The following MTUS1 variants were observed in gnomAD, a reference collection of about 807,000 sequenced individuals.
MTUS1 encodes microtubule associated scaffold protein 1, also known as microtubule-associated tumor suppressor 1.
Under a neutral mutation model 120.8 loss-of-function variants are expected in MTUS1, and 109 were observed. The ratio of observed to expected loss-of-function variants is 0.90; its 90% CI spans 0.77 to 1.06. The LOEUF (loss-of-function observed/expected upper bound fraction) is 1.06, where lower values mean the gene tolerates loss of function less well. Ranked by LOEUF, MTUS1 falls within the 50% of genes least tolerant of loss-of-function variation. MTUS1 has a pLI of 0.00. For synonymous variants in MTUS1, 737 were observed against 550.5 expected (o/e 1.34, Z -4.74); for missense variants, 2,210 against 1,486.3 (o/e 1.49, Z -8.01).
At chr8:17,715,722 T>G (rs1215240123) in intron 5 of MTUS1, 45 bp downstream of exon 5, 1 of 1,559,746 alleles carries the variant, frequency 6.4e-7, no homozygotes, top group Non-Finnish European at 8.6e-7. Context: ...GCCAAGGACT[T>G]TAAGCGTCTT....
chr8:17,745,246 C>G (rs953959054), intron 2 of MTUS1, among the ~76,000 whole-genome samples: 2 of 152,122 alleles, frequency 1.3e-5, no homozygotes, highest in Admixed American at 6.6e-5. Context: ...GTTCCAGGAC[C>G]CTGGCAGATA....
intron 8 of MTUS1, among the ~76,000 whole-genome samples, chr8:17,670,139 G>A (rs942207270): frequency 3.9e-5 from 6 of 152,168 alleles, no homozygotes; most frequent in Admixed American, 6.5e-5. Flanking sequence ...GAATCATATC[G>A]ACCCTGCCAA....
intron 8 of MTUS1, among the ~76,000 whole-genome samples, chr8:17,662,064 G>T (rs1015196560): frequency 1.3e-5 from 2 of 152,106 alleles, no homozygotes; most frequent in African/African-American, 4.8e-5. Flanking sequence ...TGTGGCGGTG[G>T]GGGGCGTGCA....
chr8:17,780,288 C>G (rs557385346), intron 1 of MTUS1, among the ~76,000 whole-genome samples: 1 of 152,342 alleles, frequency 6.6e-6, no homozygotes, highest in East Asian at 1.9e-4. Flanking sequence ...TGATTGGAAG[C>G]TGCCTGCGGC....
intron 1 of MTUS1, among the ~76,000 whole-genome samples, chr8:17,789,118 C>T (rs542492316): frequency 3.7e-4 from 57 of 152,076 alleles, no homozygotes; most frequent in African/African-American, 1.0e-3. Context: ...CCACAACCTC[C>T]GCCTCCCAGG....
At chr8:17,732,770 G>A (rs148240759) in intron 3 of MTUS1, among the ~76,000 whole-genome samples, 114 of 152,066 alleles carry the variant, frequency 7.5e-4, no homozygotes, top group African/African-American at 2.7e-3. Context: ...ACATGGTCAT[G>A]TTCATCCGTG....
intron 6 of MTUS1, among the ~76,000 whole-genome samples, chr8:17,686,898 A>G (rs914694262): frequency 6.6e-6 from 1 of 152,210 alleles, no homozygotes; most frequent in Non-Finnish European, 1.5e-5. Context: ...TTACCTATTC[A>G]AAAGTTAAAT....
intron 2 of MTUS1, among the ~76,000 whole-genome samples, chr8:17,746,742 C>G (rs1034674467): frequency 6.6e-6 from 1 of 152,100 alleles, no homozygotes; most frequent in African/African-American, 2.4e-5. Context: ...AACATATAGC[C>G]CGTATAGAAT....
chr8:17,717,618 T>C (rs1266317200), intron 4 of MTUS1, among the ~76,000 whole-genome samples: 1 of 152,196 alleles, frequency 6.6e-6, no homozygotes, highest in African/African-American at 2.4e-5. Flanking sequence ...TGATTCTAAA[T>C]TCATGCTTTT....
In MTUS1 at chr8:17,743,742, A is replaced by T. The variant is rs1488289015; in HGVS notation, c.2149T>A (p.Cys717Ser). Residue 717 changes from cysteine to serine, a missense_variant, in exon 3 of 15, where the codon TGC (cysteine) becomes AGC (serine). By Grantham distance (112) the Cys-to-Ser change is moderately radical. Coordinates refer to ENST00000693296, the MANE Select transcript of MTUS1 (RefSeq NM_001363059.2). ...SGRNISKPDS[C>S]GLRQIAAPKA... ...GGAGCAGCTATTTGCCTCAAACCGC[A>T]GGAGTCAGGCTTGGATATATTCCTA... 2 of 1,614,058 alleles carry T rather than the reference A, an allele frequency of 1.2e-6. No individual in the cohort carries two copies. The highest frequency in any genetic ancestry group is 1.7e-6 in the Non-Finnish European group (2 of 1,180,040).
chr8:17,767,680 T>A (rs6586645), intron 1 of MTUS1, among the ~76,000 whole-genome samples: 1 of 147,188 alleles, frequency 6.8e-6, no homozygotes, highest in Admixed American at 6.8e-5. Context: ...GCCTGGGTGA[T>A]AGAGCAAGAC....
chr8:17,679,932 C>G (rs1325996216), intron 7 of MTUS1, among the ~76,000 whole-genome samples: 1 of 152,194 alleles, frequency 6.6e-6, no homozygotes, highest in Admixed American at 6.5e-5. Flanking sequence ...ATTCCATCCT[C>G]TCCGTTCATA....
chr8:17,718,286 A>C (rs934334318), intron 4 of MTUS1, among the ~76,000 whole-genome samples: 1 of 152,190 alleles, frequency 6.6e-6, no homozygotes, highest in Non-Finnish European at 1.5e-5. Context: ...CATTATATCC[A>C]AACAATAAAG....
chr8:17,788,704 A>G (rs774053840), intron 1 of MTUS1, among the ~76,000 whole-genome samples: 24 of 152,200 alleles, frequency 1.6e-4, no homozygotes, highest in Non-Finnish European at 2.9e-4. Context: ...ACAAAAATAA[A>G]AAGCACAATT....
At chr8:17,680,642 G>A (rs376560034) in intron 7 of MTUS1, among the ~76,000 whole-genome samples, 2 of 152,232 alleles carry the variant, frequency 1.3e-5, no homozygotes, top group African/African-American at 4.8e-5. Context: ...GCATCTCTCT[G>A]TAGATCCAAC....
At position 17,767,700 on chromosome 8, in the gene MTUS1, T is replaced by TAAGAAAAAAAAAAAAAAA. The variant is rs1554533204; in HGVS notation, c.-154-11740_-154-11739insTTTTTTTTTTTTTTTCTT. ...GGTGATAGAGCAAGACCCTGTCTCT[T>TAAGAAAAAAAAAAAAAAA]AAAAAAAAAAAAAAAAAACGGTGTG... On this transcript the variant is annotated intron_variant, in intron 1 of 14. Coordinates refer to ENST00000693296, the MANE Select transcript of MTUS1 (RefSeq NM_001363059.2). 3.3e-4 allele frequency among the ~76,000 whole-genome samples: 29 copies of TAAGAAAAAAAAAAAAAAA among 87,870 alleles called. 3 individuals are homozygous for TAAGAAAAAAAAAAAAAAA. Among genetic ancestry groups the TAAGAAAAAAAAAAAAAAA allele is most frequent in the African/African-American group, 1.5e-3 (29 of 19,660 alleles). The allele number at this position is 87,870 out of a possible 152,430, so 57.6% of individuals were successfully genotyped here.
chr8:17,690,985 TA>T (rs2130827326), intron 6 of MTUS1, among the ~76,000 whole-genome samples: 1 of 110,494 alleles, frequency 9.1e-6, no homozygotes, highest in East Asian at 3.7e-4. Flanking sequence ...TTAAAGCTCA[TA>T]AAAAGCATCA....
intron 6 of MTUS1, among the ~76,000 whole-genome samples, chr8:17,692,423 C>T (rs1295732307): frequency 6.6e-6 from 1 of 152,100 alleles, no homozygotes; most frequent in Non-Finnish European, 1.5e-5. Flanking sequence ...GGATTCCTGA[C>T]ACGGCAGAGC....
chr8:17,689,670 C>A (rs903096973), intron 6 of MTUS1, among the ~76,000 whole-genome samples: 2 of 152,106 alleles, frequency 1.3e-5, no homozygotes, highest in Non-Finnish European at 2.9e-5. Context: ...AAAAGCATGG[C>A]ACTGGTCTAA....
Sources: gnomAD v4.1 joint callset for allele counts (sites outside exome capture counted in the v4.1 genomes callset) on GRCh38, gnomAD v4.1.1 for gene constraint, MANE v1.5 for transcripts, NCBI Gene and HGNC (gene_info 2026-07-23, HGNC 2026-07-21) for gene names.